TNRC18: variants seen among roughly 807,000 people sequenced by gnomAD.
TNRC18 encodes the protein trinucleotide repeat-containing gene 18 protein.
A neutral mutation model predicts 226.7 loss-of-function variants in TNRC18; 69 were observed. That is an observed-to-expected ratio of 0.30 (90% CI 0.25 to 0.37). The LOEUF (loss-of-function observed/expected upper bound fraction) is 0.37, where lower values mean the gene tolerates loss of function less well. Among genes scored for constraint, TNRC18 ranks in the 10% least tolerant of loss-of-function variants. The pLI is 1.00. For synonymous variants in TNRC18, 2,449 were observed against 1,927.6 expected, an observed-to-expected ratio of 1.27 and a Z score of -7.09; for missense variants, 4,754 against 4,256.6, an observed-to-expected ratio of 1.12 and a Z score of -3.25.
At position 5,312,998 on chromosome 7, in the gene TNRC18, G is replaced by A. The variant is rs1787408129; in HGVS notation, c.7893C>T (p.Ser2631=). ...SSSSSSSSSS[S]SSSSSSSSSS... is the part of the protein sequence containing the mutation. ...AGGAGGAAGAGGAGGAGGAGGAAGA[G>A]GAGGATGAGGAGGAGGAGGAGGAGG... Residue 2631 remains serine, a synonymous_variant, in exon 27 of 30, where the codon TCC becomes TCT. Transcript: ENST00000430969. This position sits in a 1 kb window ranked among gnomAD's most constrained non-coding sequence, Gnocchi z 6.3. 2.1e-6 allele frequency: 2 copies of A among 945,874 alleles called. No individual in the cohort carries two copies. Among genetic ancestry groups the A allele is most frequent in the Non-Finnish European group, 3.2e-6 (2 of 624,506 alleles). 58.6% of individuals were successfully genotyped at this position (945,874 alleles called of 1,614,324 possible). A position where few individuals can be genotyped will look rare whatever the true frequency, so the allele number is the denominator to read the frequency against.
intron 5 of TNRC18, among the ~76,000 whole-genome samples, chr7:5,379,659 C>CTTT (rs1330527020): frequency 6.6e-6 from 1 of 152,222 alleles, no homozygotes; most frequent in Non-Finnish European, 1.5e-5. Flanking sequence ...CCTGGCCCCT[C>CTTT]TTTGAGTGTT....
intron 14 of TNRC18, among the ~76,000 whole-genome samples, chr7:5,361,298 AG>A (rs1793016977): frequency 6.6e-6 from 1 of 151,882 alleles, no homozygotes; most frequent in South Asian, 2.1e-4. Context: ...CGTGGAAAAG[AG>A]GAGGAATTAG....
chr7:5,336,706 C>A (rs753831678), intron 18 of TNRC18, among the ~76,000 whole-genome samples: 4 of 152,186 alleles, frequency 2.6e-5, no homozygotes, highest in Non-Finnish European at 5.9e-5. Flanking sequence ...TGTGCTACTG[C>A]ATTCCAGCCT....
Position 5,376,883 on chromosome 7 carries a change from G to A in TNRC18, c.2572C>T (p.Leu858=). 1 of 1,611,482 alleles carries A rather than the reference G, an allele frequency of 6.2e-7. No homozygotes were observed. The highest frequency in any genetic ancestry group is 8.5e-7 in the Non-Finnish European group (1 of 1,178,842). ...QFVRDPQSGQ[L]VVIPSDHLPH... ...AGGTGATCACTGGGAATGACCACCA[G>A]CTGGCCCGATTGGGGGTCCCTGACA... is the stretch of plus-strand genomic sequence containing the variant. The change falls in exon 8 of 30, where the codon CTG becomes TTG. Residue 858 remains leucine, a synonymous_variant. Coordinates refer to ENST00000430969, the MANE Select transcript of TNRC18 (RefSeq NM_001080495.3).
intron 2 of TNRC18, among the ~76,000 whole-genome samples, chr7:5,416,869 T>C (rs367820298): frequency 2.4e-4 from 37 of 151,934 alleles, no homozygotes; most frequent in African/African-American, 9.0e-4. Flanking sequence ...TACATACCTG[T>C]AGTCCTAGCT....
At chr7:5,416,733 T>C (rs1446709612) in intron 2 of TNRC18, among the ~76,000 whole-genome samples, 1 of 151,724 alleles carries the variant, frequency 6.6e-6, no homozygotes, top group East Asian at 1.9e-4. Flanking sequence ...GGCACACACC[T>C]GTAATCCCAG....
chr7:5,420,315 C>T (rs1584141344), intron 2 of TNRC18: 1 of 450,932 alleles, frequency 2.2e-6, no homozygotes, highest in Admixed American at 2.4e-5. Flanking sequence ...CTGCCCGACC[C>T]GCTCTCTTCT....
intron 2 of TNRC18, among the ~76,000 whole-genome samples, chr7:5,411,743 A>G (rs1291914229): frequency 6.6e-6 from 1 of 152,112 alleles, no homozygotes; most frequent in African/African-American, 2.4e-5. Flanking sequence ...AGGCAAAGGG[A>G]GTCTGAAGAA....
rs555894375 is a variant in TNRC18 at position 5,306,849 on chromosome 7, G to C, written c.*1257C>G. 23 of 147,968 alleles carry C rather than the reference G, an allele frequency of 1.6e-4. No individual in the cohort carries two copies. The South Asian group carries it at 3.2e-3, about 21-fold the overall frequency. The allele number at this position is 147,968 out of a possible 1,614,324, so 9.2% of individuals were successfully genotyped here. A position where few individuals can be genotyped will look rare whatever the true frequency, so the allele number is the denominator to read the frequency against. ...TATGAAAAAAGATCACACAGAATTTGCCAACAAACAAAATTCCAAAAGAAA... is the reference window on the plus strand; with the variant it reads ...TATGAAAAAAGATCACACAGAATTTCCCAACAAACAAAATTCCAAAAGAAA... On this transcript the variant is annotated 3_prime_UTR_variant, in exon 30 of 30. Transcript: ENST00000430969.
At chr7:5,327,798 G>A (rs1230632212) in intron 19 of TNRC18, among the ~76,000 whole-genome samples, 3 of 152,110 alleles carry the variant, frequency 2.0e-5, no homozygotes, top group Non-Finnish European at 2.9e-5. Context: ...TAGAAGTTCT[G>A]TATGCAAAAC....
chr7:5,310,597 CA>C (rs1290810049), intron 27 of TNRC18, among the ~76,000 whole-genome samples: 1 of 151,980 alleles, frequency 6.6e-6, no homozygotes, highest in African/African-American at 2.4e-5. Context: ...TGTAGTGGCA[CA>C]ATCACAGCTC....
In TNRC18 at chr7:5,351,879, G is replaced by C. The variant is rs1427427511; in HGVS notation, c.5410C>G (p.Leu1804Val). The C allele has an allele frequency of 1.2e-6, 2 of 1,613,300 alleles. No individual in the cohort carries two copies. The highest frequency in any genetic ancestry group is 1.7e-6 in the Non-Finnish European group (2 of 1,179,618). The change falls in exon 17 of 30, where the codon CTT becomes GTT. Residue 1804 changes from leucine to valine, a missense_variant. By Grantham distance (32) the Leu-to-Val change is conservative. Transcript: ENST00000430969. ...TSRKQPFCLLLREAEARSSFS... is the reference protein window; with the variant it reads ...TSRKQPFCLLVREAEARSSFS... ...GAGGAACGCGCCTCGGCCTCTCGAAGCAGCAGACAAAACGGCTGCTTCCTG... is the reference window on the plus strand; with the variant it reads ...GAGGAACGCGCCTCGGCCTCTCGAACCAGCAGACAAAACGGCTGCTTCCTG...
chr7:5,359,180 CTG>C (rs1562543582), intron 15 of TNRC18, among the ~76,000 whole-genome samples: 1 of 152,184 alleles, frequency 6.6e-6, no homozygotes, highest in African/African-American at 2.4e-5. Context: ...GTCTCTGAGG[CTG>C]TGTTACGTCG....
At chr7:5,378,078 A>T in intron 5 of TNRC18, 54 bp from the exon 6 acceptor site, 1 of 1,500,880 alleles carries the variant, frequency 6.7e-7, no homozygotes, top group South Asian at 1.1e-5. Flanking sequence ...CCCATCCCAG[A>T]CCCATTGGCC....
In TNRC18 at chr7:5,348,809, C is replaced by A. The variant is rs985415623; in HGVS notation, c.5471-2999G>T. Among the ~76,000 whole-genome samples, 3 of 152,256 alleles carry A rather than the reference C, an allele frequency of 2.0e-5. No homozygotes were observed. The East Asian group carries it at 5.8e-4, about 30-fold the overall frequency. ...CAGGCAGGCAGTGCACACTTGCGAT[C>A]ATTCACATTGCAGGCGTCACATGGC... On this transcript the variant is annotated intron_variant, in intron 17 of 29. Transcript: ENST00000430969.
Position 5,390,503 on chromosome 7 carries a change from C to T in TNRC18, c.469G>A (p.Gly157Ser). ...GQPSIFDTQKGQGPGGDGFYL... is the reference protein window; with the variant it reads ...GQPSIFDTQKSQGPGGDGFYL... ...GTCTTACCTCCTCCTGGCCCCTGAC[C>T]TTTCTGGGTATCGAAAATGCTGGGC... is the stretch of plus-strand genomic sequence containing the variant. The change falls in exon 4 of 30, where the codon GGT (glycine) becomes AGT (serine). Residue 157 changes from glycine (G) to serine (S), a missense_variant. Coordinates refer to ENST00000430969, the MANE Select transcript of TNRC18 (RefSeq NM_001080495.3). The T allele has an allele frequency of 5.0e-6, 8 of 1,613,762 alleles. No homozygotes were observed. The highest frequency in any genetic ancestry group is 5.1e-6 in the Non-Finnish European group (6 of 1,179,832).
intron 2 of TNRC18, among the ~76,000 whole-genome samples, chr7:5,415,142 C>A (rs187746084): frequency 4.1e-4 from 62 of 152,258 alleles, no homozygotes; most frequent in African/African-American, 1.5e-3. Flanking sequence ...ATCCCACCTC[C>A]CCCACATCCC....
chr7:5,370,811 C>A lies in TNRC18; in HGVS notation c.3783G>T (p.Pro1261=). 1 of 1,608,292 alleles carries A rather than the reference C, an allele frequency of 6.2e-7. No homozygotes were observed. Among genetic ancestry groups the A allele is most frequent in the South Asian group, 1.1e-5 (1 of 90,742 alleles). ...PETLVEAKEE[P]VEVPVAVPVV... Reference sequence around the variant, plus strand: ...CGGGCACCGCCACAGGCACCTCCACCGGCTCCTCCTTGGCCTCCACCAGTG... The same window carrying A: ...CGGGCACCGCCACAGGCACCTCCACAGGCTCCTCCTTGGCCTCCACCAGTG... The change falls in exon 11 of 30, where the codon CCG becomes CCT. Residue 1261 remains proline (P), a synonymous_variant. Coordinates refer to ENST00000430969, the MANE Select transcript of TNRC18 (RefSeq NM_001080495.3).
chr7:5,336,496 A>G (rs1042444253), intron 18 of TNRC18, among the ~76,000 whole-genome samples: 1 of 152,006 alleles, frequency 6.6e-6, no homozygotes. Context: ...ATAATCCCGG[A>G]ATTTGGGAGG....
Sources: gnomAD v4.1 joint callset for allele counts (sites outside exome capture counted in the v4.1 genomes callset) on GRCh38, gnomAD v4.1.1 for gene constraint, Gnocchi (gnomAD v3.1) non-coding constraint, MANE v1.5 for transcripts, NCBI Gene and HGNC (gene_info 2026-07-23, HGNC 2026-07-21) for gene names.